KCNAB2: variants seen among roughly 807,000 people sequenced by gnomAD.
KCNAB2 encodes potassium voltage-gated channel subfamily A regulatory beta subunit 2, also known as voltage-gated potassium channel subunit beta-2.
A neutral mutation model predicts 63.6 loss-of-function variants in KCNAB2; 29 were observed. That is an observed-to-expected ratio of 0.46 (90% CI 0.34 to 0.62). The LOEUF is 0.62. KCNAB2 is among the 20% of genes least tolerant of loss of function. The pLI is 0.01. For missense variants in KCNAB2, 359 were observed against 563.9 expected (o/e 0.64, Z 3.68); for synonymous variants, 222 against 224.2 (o/e 0.99, Z 0.09).
chr1:6,100,245 C>T lies in KCNAB2; in HGVS notation c.*1671C>T, dbSNP rs181993603. 10 of 655,616 alleles carry T rather than the reference C, an allele frequency of 1.5e-5. No individual in the cohort carries two copies. In the African/African-American group the frequency reaches 1.6e-4, roughly 11 times the overall value. The allele number at this position is 655,616 out of a possible 1,614,324, so 40.6% of individuals were successfully genotyped here. ...AGGGGAGGAGGGGGATCAGCTTCTG[C>T]TATTACCGACCCCCCTTCATGCTGC... is the stretch of plus-strand genomic sequence containing the variant. On this transcript the variant is annotated 3_prime_UTR_variant, in exon 16 of 16. Coordinates refer to ENST00000378083, the MANE Select transcript of KCNAB2 (RefSeq NM_001199862.2).
intron 1 of KCNAB2, among the ~76,000 whole-genome samples, chr1:6,001,670 A>G (rs1657270313): frequency 6.6e-6 from 1 of 152,086 alleles, no homozygotes; most frequent in Non-Finnish European, 1.5e-5. Flanking sequence ...GGACAGGATA[A>G]CACCTGTCCC....
Position 6,009,934 on chromosome 1 carries a change from A to G in KCNAB2, c.-53+17146A>G, listed in dbSNP as rs1029339619. Among the ~76,000 whole-genome samples, 4 of 149,900 alleles carry G rather than the reference A, an allele frequency of 2.7e-5. 1 individual carries two copies. The highest frequency in any genetic ancestry group is 4.2e-4 in the South Asian group (2 of 4,768). On this transcript the variant is annotated intron_variant, in intron 1 of 16. Transcript: ENST00000341524. Reference sequence around the variant, plus strand: ...CGCCCAGGCTGGAATGCAGTGGCGCAATCTTATCTCACTGCAACCTCCAAC... The same window carrying G: ...CGCCCAGGCTGGAATGCAGTGGCGCGATCTTATCTCACTGCAACCTCCAAC...
intron 1 of KCNAB2, among the ~76,000 whole-genome samples, chr1:6,047,523 C>T (rs115964362): frequency 2.0e-5 from 3 of 152,166 alleles, no homozygotes; most frequent in South Asian, 2.1e-4. Flanking sequence ...GAGTCCCCCC[C>T]ACACAAGAGA....
intron 1 of KCNAB2, among the ~76,000 whole-genome samples, chr1:6,047,307 CG>C (rs1166348450): frequency 1.3e-5 from 2 of 152,210 alleles, no homozygotes; most frequent in Non-Finnish European, 2.9e-5. Flanking sequence ...AAGGACCTGA[CG>C]CTGCTAGAGT....
intron 1 of KCNAB2, among the ~76,000 whole-genome samples, chr1:6,050,137 G>A (rs1420499320): frequency 6.6e-6 from 1 of 152,196 alleles, no homozygotes; most frequent in Non-Finnish European, 1.5e-5. Flanking sequence ...CAGCTCCCAG[G>A]ATAGCCCTCC....
chr1:6,005,900 C>T (rs61760767), intron 1 of KCNAB2, among the ~76,000 whole-genome samples: 15,989 of 130,886 alleles, frequency 0.12, 929 homozygotes, highest in Admixed American at 0.15. Context: ...TCCACCCTCA[C>T]CCCTCAGCTC....
chr1:6,096,083 T>G lies in KCNAB2; in HGVS notation c.948+459T>G. The G allele has an allele frequency of 2.2e-6, 1 of 457,484 alleles. No homozygotes were observed. Among genetic ancestry groups the G allele is most frequent in the Non-Finnish European group, 4.4e-6 (1 of 227,960 alleles). 28.3% of individuals were successfully genotyped at this position (457,484 alleles called of 1,614,324 possible). On this transcript the variant is annotated intron_variant, in intron 13 of 15. Transcript: ENST00000378083. The surrounding 1 kb of genome is among the most constrained non-coding windows in gnomAD (Gnocchi z 5.9). ...TCAGGAGGGTCCCCAGACTGCAGGA[T>G]CTGGAGAACAAGGAGCAGGCCAAGA...
chr1:6,020,633 A>G (rs1299100039), intron 1 of KCNAB2, among the ~76,000 whole-genome samples: 1 of 152,194 alleles, frequency 6.6e-6, no homozygotes, highest in African/African-American at 2.4e-5. Flanking sequence ...CCAGCCAGCA[A>G]CCGTATCTAC....
chr1:6,027,443 C>T (rs1659280014), intron 1 of KCNAB2: 1 of 152,268 alleles, frequency 6.6e-6, no homozygotes, highest in Non-Finnish European at 1.5e-5. Flanking sequence ...ACTGGGGTAC[C>T]CACCACCCAG....
intron 1 of KCNAB2, among the ~76,000 whole-genome samples, chr1:6,000,588 AC>A (rs1400510786): frequency 2.2e-5 from 3 of 136,546 alleles, no homozygotes; most frequent in South Asian, 2.3e-4. Flanking sequence ...AGTGAACCCC[AC>A]CCCCCGCCGC....
At chr1:6,022,059 AGT>A (rs1331740864) in intron 1 of KCNAB2, among the ~76,000 whole-genome samples, 6 of 151,814 alleles carry the variant, frequency 4.0e-5, no homozygotes, top group African/African-American at 1.5e-4. Flanking sequence ...AGTGGTATTG[AGT>A]GTGTCATTCA....
intron 13 of KCNAB2, among the ~76,000 whole-genome samples, chr1:6,095,833 G>A (rs1665573096): frequency 6.6e-6 from 1 of 151,410 alleles, no homozygotes; most frequent in African/African-American, 2.4e-5. Flanking sequence ...CCAGCCTGTG[G>A]CACAGGCCCA....
At chr1:5,993,043 A>G (rs1408346880) in intron 1 of KCNAB2, among the ~76,000 whole-genome samples, 1 of 78,588 alleles carries the variant, frequency 1.3e-5, no homozygotes, top group South Asian at 4.3e-4. Flanking sequence ...CCGACCCTTC[A>G]GCTCGCATCC....
At chr1:6,020,519 T>G (rs904765416) in intron 1 of KCNAB2, among the ~76,000 whole-genome samples, 1 of 151,968 alleles carries the variant, frequency 6.6e-6, no homozygotes, top group Non-Finnish European at 1.5e-5. Flanking sequence ...CCAAGCAGAA[T>G]TTTCCCGAAG....
At chr1:6,043,010 A>G (rs1660631459), upstream of KCNAB2, among the ~76,000 whole-genome samples, 1 of 152,134 alleles carries the variant, frequency 6.6e-6, no homozygotes, top group South Asian at 2.1e-4. Context: ...TTGGTAGATA[A>G]GATTTTGCTT....
At chr1:6,042,249 C>T (rs909916979), upstream of KCNAB2, among the ~76,000 whole-genome samples, 2 of 152,158 alleles carry the variant, frequency 1.3e-5, no homozygotes, top group Non-Finnish European at 2.9e-5. Context: ...CAGGACGTGG[C>T]GAGCCCATCC....
intron 1 of KCNAB2, among the ~76,000 whole-genome samples, chr1:5,997,388 GCCTC>G (rs1239834477): frequency 1.3e-5 from 2 of 152,106 alleles, no homozygotes; most frequent in African/African-American, 4.8e-5. Context: ...GCAGGGAATA[GCCTC>G]CCTCTGAGGG....
At chr1:6,037,872 C>CTTTT (rs1210270485) in intron 1 of KCNAB2, among the ~76,000 whole-genome samples, 2 of 117,624 alleles carry the variant, frequency 1.7e-5, no homozygotes, top group Non-Finnish European at 3.6e-5. Context: ...GAATGAGGGT[C>CTTTT]TTTTTTTTTT....
chr1:6,076,272 G>A (rs577677134), intron 4 of KCNAB2, among the ~76,000 whole-genome samples: 2 of 152,326 alleles, frequency 1.3e-5, no homozygotes, highest in South Asian at 2.1e-4. Flanking sequence ...ACATGGCACA[G>A]GGCAGAGTCC....
Sources: allele counts gnomAD v4.1 joint callset (sites outside exome capture counted in the v4.1 genomes callset), GRCh38; gene constraint gnomAD v4.1.1; non-coding constraint Gnocchi (gnomAD v3.1); transcripts MANE v1.5; gene names NCBI Gene and HGNC (gene_info 2026-07-23, HGNC 2026-07-21).